MTHFS: variants seen among roughly 807,000 people sequenced by gnomAD.
The protein encoded by MTHFS is methenyltetrahydrofolate synthetase.
A neutral mutation model predicts 12.7 loss-of-function variants in MTHFS; 7 were observed. That is an observed-to-expected ratio of 0.55 (90% CI 0.31 to 1.03). The LOEUF (loss-of-function observed/expected upper bound fraction) is 1.03. MTHFS is among the 50% of genes least tolerant of loss of function. The pLI is 0.05. For missense variants in MTHFS, 252 were observed against 258.1 expected (o/e 0.98, Z 0.16); for synonymous variants, 100 against 97.1 (o/e 1.03, Z -0.18).
At chr15:79,890,941 G>A (rs1025839223) in intron 1 of MTHFS, among the ~76,000 whole-genome samples, 18 of 152,330 alleles carry the variant, frequency 1.2e-4, no homozygotes, top group Non-Finnish European at 2.2e-4. Context: ...GCAGAATATA[G>A]AAGATCGAGA....
chr15:79,857,393 T>C (rs2033829725), intron 2 of MTHFS, among the ~76,000 whole-genome samples: 1 of 152,216 alleles, frequency 6.6e-6, no homozygotes, highest in South Asian at 2.1e-4. Flanking sequence ...ATTTTTTTAC[T>C]GAACTGTTAA....
chr15:79,881,645 T>A lies in MTHFS; in HGVS notation c.379+7448A>T, dbSNP rs887682780. ...GATACATGTGACTCAGTCCAAGTTCTTCCTTGGGAAAATATGACAATGTTC... is the reference window on the plus strand; with the variant it reads ...GATACATGTGACTCAGTCCAAGTTCATCCTTGGGAAAATATGACAATGTTC... On this transcript the variant is annotated intron_variant, in intron 2 of 2. Transcript: ENST00000258874. Among the ~76,000 whole-genome samples, 4 of 152,202 alleles carry A rather than the reference T, an allele frequency of 2.6e-5. No homozygotes were observed. In the East Asian group the frequency reaches 7.7e-4, roughly 29 times the overall value.
chr15:79,885,187 C>T (rs546346927), intron 2 of MTHFS, among the ~76,000 whole-genome samples: 153 of 152,286 alleles, frequency 1.0e-3, no homozygotes, highest in African/African-American at 3.4e-3. Context: ...CATGAACAAC[C>T]TAGAAGGGTT....
At position 79,865,496 on chromosome 15, in the gene MTHFS, T is replaced by C. The variant is rs570681971; in HGVS notation, c.380-20054A>G. Among the ~76,000 whole-genome samples, 6 of 152,352 alleles carry C rather than the reference T, an allele frequency of 3.9e-5. No individual in the cohort carries two copies. In the East Asian group the frequency reaches 1.2e-3, roughly 29 times the overall value. ...AGCCGGAAGGAAACCAGTGTGGAAC[T>C]GCAGTCAAGCCCCCAGCCAGGAGGA... On this transcript the variant is annotated intron_variant, in intron 2 of 2. Coordinates refer to ENST00000258874, the MANE Select transcript of MTHFS (RefSeq NM_006441.4).
chr15:79,888,980 A>G, intron 2 of MTHFS, 113 bp downstream of exon 2: 2 of 1,459,034 alleles, frequency 1.4e-6, no homozygotes, highest in Non-Finnish European at 9.1e-7. Flanking sequence ...TAGGCAAAAT[A>G]CAAATTAATC....
At chr15:79,891,963 CAAA>C (rs57309663) in intron 1 of MTHFS, among the ~76,000 whole-genome samples, 26,442 of 83,806 alleles carry the variant, frequency 0.32, 2,476 homozygotes, top group South Asian at 0.41. Flanking sequence ...AACTCCATCT[CAAA>C]AAAAAAAAAA....
chr15:79,871,487 AG>A (rs1274523341), intron 2 of MTHFS, among the ~76,000 whole-genome samples: 1 of 152,096 alleles, frequency 6.6e-6, no homozygotes, highest in African/African-American at 2.4e-5. Context: ...CTATTTACAG[AG>A]GGATGCCCCA....
chr15:79,886,951 C>T (rs1428638486), intron 2 of MTHFS, among the ~76,000 whole-genome samples: 2 of 152,052 alleles, frequency 1.3e-5, no homozygotes, highest in Non-Finnish European at 2.9e-5. Context: ...TGCTAAAAAC[C>T]ATACATAGGC....
chr15:79,860,686 T>G (rs953722676), intron 2 of MTHFS, among the ~76,000 whole-genome samples: 7 of 147,138 alleles, frequency 4.8e-5, no homozygotes, highest in African/African-American at 1.8e-4. Context: ...ATTTTTTTTT[T>G]GATTAGTACT....
At chr15:79,865,532 G>A (rs539891530) in intron 2 of MTHFS, among the ~76,000 whole-genome samples, 7 of 152,314 alleles carry the variant, frequency 4.6e-5, no homozygotes, top group Admixed American at 2.0e-4. Flanking sequence ...GCAGGTATAC[G>A]TATCGTAACG....
chr15:79,871,390 G>C (rs548091266), intron 2 of MTHFS, among the ~76,000 whole-genome samples: 17 of 152,264 alleles, frequency 1.1e-4, no homozygotes, highest in African/African-American at 4.1e-4. Flanking sequence ...CCAGACACAT[G>C]CATTATTCCC....
chr15:79,876,946 G>C (rs537236284), intron 2 of MTHFS: 10 of 152,030 alleles, frequency 6.6e-5, no homozygotes, highest in African/African-American at 2.4e-4. Context: ...AAGAGGCTGA[G>C]GCAGGAGAAT....
At chr15:79,875,005 C>A (rs890917010) in intron 2 of MTHFS, among the ~76,000 whole-genome samples, 1 of 151,916 alleles carries the variant, frequency 6.6e-6, no homozygotes, top group African/African-American at 2.4e-5. Flanking sequence ...GACACACATC[C>A]CCAGCTTACA....
chr15:79,878,169 T>C (rs1369935242), intron 2 of MTHFS: 1 of 152,090 alleles, frequency 6.6e-6, no homozygotes, highest in Non-Finnish European at 1.5e-5. Context: ...AAAGCAATAA[T>C]TATAATACTA....
At chr15:79,889,390 A>G in intron 1 of MTHFS, 36 bp from the exon 2 acceptor site, 1 of 1,596,580 alleles carries the variant, frequency 6.3e-7, no homozygotes, top group Non-Finnish European at 8.5e-7. Context: ...ATTTTCCAAG[A>G]CTATATTTAG....
chr15:79,865,536 C>T (rs543677095), intron 2 of MTHFS, among the ~76,000 whole-genome samples: 5 of 152,190 alleles, frequency 3.3e-5, no homozygotes, highest in Admixed American at 6.5e-5. Flanking sequence ...GTATACGTAT[C>T]GTAACGATGG....
intron 2 of MTHFS, among the ~76,000 whole-genome samples, chr15:79,854,327 G>T (rs895327133): frequency 6.6e-6 from 1 of 152,268 alleles, no homozygotes; most frequent in African/African-American, 2.4e-5. Flanking sequence ...GGTGCAAGGG[G>T]AAGGGCTGGG....
chr15:79,882,239 T>C (rs933222389), intron 2 of MTHFS, among the ~76,000 whole-genome samples: 14 of 152,228 alleles, frequency 9.2e-5, no homozygotes, highest in African/African-American at 3.4e-4. Context: ...TAACTACTTA[T>C]TTCTTGGCTT....
rs184561661 is a variant in MTHFS, at chr15:79,885,092, G to A, written c.379+4001C>T. 7.2e-5 allele frequency among the ~76,000 whole-genome samples: 11 copies of A among 152,182 alleles called. No individual in the cohort carries two copies. The East Asian group carries it at 1.7e-3, about 24-fold the overall frequency. ...TATCTTTTATTATATTCTTGCAGAC[G>A]CCATGCAACCCTAACAAAGAAAGAA... is the stretch of plus-strand genomic sequence containing the variant. On this transcript the variant is annotated intron_variant, in intron 2 of 2. Transcript: ENST00000258874.
Sources: allele counts gnomAD v4.1 joint callset (sites outside exome capture counted in the v4.1 genomes callset), GRCh38; gene constraint gnomAD v4.1.1; transcripts MANE v1.5; gene names NCBI Gene and HGNC (gene_info 2026-07-23, HGNC 2026-07-21).